The following SOX5 variants were observed in gnomAD, a reference collection of about 807,000 sequenced individuals.
The protein encoded by SOX5 is transcription factor SOX-5.
Under a neutral mutation model 92.0 loss-of-function variants are expected in SOX5, and 9 were observed. The observed-to-expected ratio is 0.10, with a 90% CI of 0.06 to 0.17. The LOEUF (loss-of-function observed/expected upper bound fraction) is 0.17, where lower values mean the gene tolerates loss of function less well. Ranked by LOEUF, SOX5 falls within the 10% of genes least tolerant of loss-of-function variation. SOX5 has a pLI of 1.00. For synonymous variants in SOX5, 344 were observed against 336.3 expected (o/e 1.02, Z -0.25); for missense variants, 642 against 944.5 (o/e 0.68, Z 4.20).
At chr12:23,710,181 G>A (rs1344895803) in intron 6 of SOX5, among the ~76,000 whole-genome samples, 2 of 147,030 alleles carry the variant, frequency 1.4e-5, no homozygotes, top group Non-Finnish European at 2.9e-5. Flanking sequence ...GGATTAAACA[G>A]ACAGCTTGTT....
chr12:23,545,631 T>G (rs1448953832), intron 12 of SOX5, among the ~76,000 whole-genome samples: 2 of 152,040 alleles, frequency 1.3e-5, no homozygotes, highest in African/African-American at 2.4e-5. Flanking sequence ...TAAGAAACTA[T>G]CGTGGAAATG....
At chr12:24,322,171 G>C (rs1040830008) in intron 2 of SOX5, among the ~76,000 whole-genome samples, 1 of 151,926 alleles carries the variant, frequency 6.6e-6, no homozygotes, top group East Asian at 1.9e-4. Flanking sequence ...CTTAATTATG[G>C]CATTTTAGGA....
At position 23,872,002 on chromosome 12, in the gene SOX5, T is replaced by C. The variant is rs547323007; in HGVS notation, c.270+23791A>G. On this transcript the variant is annotated intron_variant, in intron 2 of 14. Coordinates refer to ENST00000451604, the MANE Select transcript of SOX5 (RefSeq NM_006940.6). ...TTATATTACATTTATTCTTTTTTTT[T>C]TTTTCTTTTTTTTGAGACGGAGTCT... Among the ~76,000 whole-genome samples the C allele has an allele frequency of 3.3e-5, 5 of 150,402 alleles. 1 individual carries two copies. The South Asian group carries it at 8.4e-4, about 25-fold the overall frequency.
intron 4 of SOX5, among the ~76,000 whole-genome samples, chr12:23,958,596 T>C (rs549834555): frequency 8.5e-4 from 130 of 152,076 alleles, no homozygotes; most frequent in African/African-American, 2.9e-3. Context: ...TGAACCAAAG[T>C]CTTTTGATTA....
intron 4 of SOX5, among the ~76,000 whole-genome samples, chr12:24,120,097 T>C (rs139149594): frequency 1.7e-3 from 262 of 152,350 alleles, no homozygotes; most frequent in African/African-American, 6.1e-3. Flanking sequence ...CTTCTTGTTT[T>C]GGGCTACTAT....
At chr12:24,249,501 A>C (rs1205613345) in intron 3 of SOX5, among the ~76,000 whole-genome samples, 1 of 152,210 alleles carries the variant, frequency 6.6e-6, no homozygotes, top group South Asian at 2.1e-4. Flanking sequence ...CTAATCTTAC[A>C]TCTAATCAGA....
At chr12:24,055,047 A>C (rs1015605694) in intron 4 of SOX5, among the ~76,000 whole-genome samples, 40 of 144,452 alleles carry the variant, frequency 2.8e-4, no homozygotes, top group African/African-American at 9.5e-4. Flanking sequence ...CAACTTAACC[A>C]AAATTTTCAA....
chr12:24,077,294 T>G (rs1161399259), intron 4 of SOX5, among the ~76,000 whole-genome samples: 1 of 152,122 alleles, frequency 6.6e-6, no homozygotes, highest in South Asian at 2.1e-4. Flanking sequence ...TTCCAAGATC[T>G]GCTTCCAACA....
rs12316691 is a variant in SOX5 at position 23,721,701 on chromosome 12, T to C, written c.810+12983A>G. 8.9e-4 allele frequency among the ~76,000 whole-genome samples: 135 copies of C among 152,316 alleles called. 1 individual carries two copies. Among genetic ancestry groups the C allele is most frequent in the African/African-American group, 3.0e-3 (125 of 41,582 alleles). On this transcript the variant is annotated intron_variant, in intron 6 of 14. Coordinates refer to ENST00000451604, the MANE Select transcript of SOX5 (RefSeq NM_006940.6). ...CAGCAATATAAACATTAGTAGTCAA[T>C]TCTATGGCATGAGAGGAGTGAAATA...
At chr12:23,629,190 G>A (rs940917033) in intron 8 of SOX5, among the ~76,000 whole-genome samples, 2 of 151,984 alleles carry the variant, frequency 1.3e-5, no homozygotes, top group African/African-American at 4.8e-5. Context: ...CAAAATGAAA[G>A]CAATTCAGAA....
chr12:24,281,340 T>C (rs1035954271), intron 2 of SOX5, among the ~76,000 whole-genome samples: 7 of 151,932 alleles, frequency 4.6e-5, no homozygotes, highest in African/African-American at 1.7e-4. Flanking sequence ...GAAAGGGTCA[T>C]TGGCCTTCCA....
intron 1 of SOX5, among the ~76,000 whole-genome samples, chr12:24,544,733 C>T (rs1050082962): frequency 1.3e-5 from 2 of 152,194 alleles, no homozygotes; most frequent in African/African-American, 4.8e-5. Flanking sequence ...ACTTGGAGCT[C>T]ATACTACCTC....
chr12:24,507,461 C>A (rs1035158873), intron 1 of SOX5, among the ~76,000 whole-genome samples: 1 of 150,918 alleles, frequency 6.6e-6, no homozygotes, highest in African/African-American at 2.4e-5. Flanking sequence ...GACAACTGAC[C>A]TACTTTCTGC....
At chr12:24,528,574 A>T (rs1326598549) in intron 1 of SOX5, among the ~76,000 whole-genome samples, 1 of 152,192 alleles carries the variant, frequency 6.6e-6, no homozygotes, top group African/African-American at 2.4e-5. Flanking sequence ...GATGCTACTG[A>T]TATATCACTA....
chr12:24,033,697 C>A (rs183562870), intron 4 of SOX5, among the ~76,000 whole-genome samples: 88 of 152,036 alleles, frequency 5.8e-4, no homozygotes, highest in African/African-American at 2.0e-3. Flanking sequence ...CTGTTGAGCA[C>A]AATGAGTATG....
intron 1 of SOX5, among the ~76,000 whole-genome samples, chr12:24,554,109 T>C (rs1352786947): frequency 1.3e-5 from 2 of 152,228 alleles, no homozygotes; most frequent in African/African-American, 4.8e-5. Context: ...TGCACAGGAA[T>C]ATCAAGCATC....
intron 2 of SOX5, among the ~76,000 whole-genome samples, chr12:23,889,114 A>G (rs2137428284): frequency 6.6e-6 from 1 of 152,216 alleles, no homozygotes; most frequent in East Asian, 1.9e-4. Context: ...TTCAAAAGTA[A>G]TTACACTTTT....
intron 4 of SOX5, among the ~76,000 whole-genome samples, chr12:24,080,021 G>A (rs987301109): frequency 1.3e-5 from 2 of 151,774 alleles, no homozygotes. Flanking sequence ...CAGAGTACAA[G>A]CAATGTAAGG....
intron 4 of SOX5, among the ~76,000 whole-genome samples, chr12:24,017,945 C>A (rs552889480): frequency 1.2e-4 from 19 of 152,298 alleles, no homozygotes; most frequent in Non-Finnish European, 2.5e-4. Flanking sequence ...TTGAGGTTAA[C>A]CCCCACTAAT....
Sources: allele counts gnomAD v4.1 joint callset (sites outside exome capture counted in the v4.1 genomes callset), GRCh38; gene constraint gnomAD v4.1.1; transcripts MANE v1.5; gene names NCBI Gene and HGNC (gene_info 2026-07-23, HGNC 2026-07-21).